DLG2: variants seen among roughly 807,000 people sequenced by gnomAD.
The protein encoded by DLG2 is disks large homolog 2.
Under a neutral mutation model 132.5 loss-of-function variants are expected in DLG2, and 45 were observed. The observed-to-expected ratio is 0.34, with a 90% CI of 0.27 to 0.44. The LOEUF is 0.44. Among genes scored for constraint, DLG2 ranks in the 20% least tolerant of loss-of-function variants. The pLI is 1.00. For synonymous variants in DLG2, 424 were observed against 419.6 expected, an observed-to-expected ratio of 1.01 and a Z score of -0.13; for missense variants, 1,045 against 1,196.9, an observed-to-expected ratio of 0.87 and a Z score of 1.87.
chr11:84,125,009 C>G (rs924188875), intron 9 of DLG2, among the ~76,000 whole-genome samples: 2 of 151,898 alleles, frequency 1.3e-5, no homozygotes, highest in Non-Finnish European at 2.9e-5. Context: ...TGCCACCATG[C>G]CCGGCTAATT....
chr11:83,539,675 G>C (rs552449768), intron 20 of DLG2, among the ~76,000 whole-genome samples: 2 of 151,374 alleles, frequency 1.3e-5, no homozygotes, highest in South Asian at 4.2e-4. Flanking sequence ...TATATATGAG[G>C]TGGAGCTACT....
chr11:85,137,415 T>C (rs1171680534), intron 5 of DLG2, among the ~76,000 whole-genome samples: 1 of 152,114 alleles, frequency 6.6e-6, no homozygotes, highest in Non-Finnish European at 1.5e-5. Flanking sequence ...AAAACCTAGG[T>C]GACCCCAACA....
intron 3 of DLG2, among the ~76,000 whole-genome samples, chr11:85,549,330 A>G (rs536976254): frequency 5.3e-5 from 8 of 152,238 alleles, no homozygotes; most frequent in Non-Finnish European, 7.4e-5. Flanking sequence ...ACCAGTCACA[A>G]TGAGATGAAC....
intron 8 of DLG2, among the ~76,000 whole-genome samples, chr11:84,213,014 C>G (rs1315508069): frequency 6.6e-6 from 1 of 152,144 alleles, no homozygotes; most frequent in Non-Finnish European, 1.5e-5. Context: ...AAAATCCATG[C>G]TGCCACATTG....
intron 4 of DLG2, among the ~76,000 whole-genome samples, chr11:85,177,960 G>C (rs2079417985): frequency 6.6e-6 from 1 of 151,748 alleles, no homozygotes; most frequent in African/African-American, 2.4e-5. Context: ...CTTATATTTG[G>C]GGAAAAAAAT....
chr11:84,514,212 G>T (rs375628134), intron 7 of DLG2, among the ~76,000 whole-genome samples: 1 of 151,952 alleles, frequency 6.6e-6, no homozygotes, highest in Non-Finnish European at 1.5e-5. Context: ...TGGGGATGTG[G>T]AGAAAAGGAA....
chr11:84,804,726 T>C (rs1440014498), intron 6 of DLG2, among the ~76,000 whole-genome samples: 1 of 152,116 alleles, frequency 6.6e-6, no homozygotes, highest in African/African-American at 2.4e-5. Context: ...ATAACTGTCC[T>C]CCTCCAGAAA....
At chr11:84,848,989 C>T (rs1332289251) in intron 6 of DLG2, among the ~76,000 whole-genome samples, 4 of 152,182 alleles carry the variant, frequency 2.6e-5, no homozygotes, top group African/African-American at 9.6e-5. Flanking sequence ...GAAGGCCTGA[C>T]AACTTCTAAT....
chr11:85,333,617 G>T (rs984444162), intron 3 of DLG2, among the ~76,000 whole-genome samples: 3 of 151,876 alleles, frequency 2.0e-5, no homozygotes, highest in African/African-American at 7.3e-5. Flanking sequence ...ATGCCTATTT[G>T]TTAAGGGGTT....
At chr11:85,128,173 C>A (rs1304805810) in intron 5 of DLG2, among the ~76,000 whole-genome samples, 1 of 152,060 alleles carries the variant, frequency 6.6e-6, no homozygotes, top group Non-Finnish European at 1.5e-5. Flanking sequence ...CCTTTATTAA[C>A]AAATTATAGC....
chr11:85,142,357 G>T (rs1566927819), intron 5 of DLG2, among the ~76,000 whole-genome samples: 1 of 151,382 alleles, frequency 6.6e-6, no homozygotes, highest in Non-Finnish European at 1.5e-5. Context: ...TCTTTTTCAG[G>T]TTGTTCATTG....
chr11:83,544,946 C>T (rs552736735), intron 19 of DLG2, among the ~76,000 whole-genome samples: 29 of 152,288 alleles, frequency 1.9e-4, no homozygotes, highest in Admixed American at 1.8e-3. Context: ...TTTTAACCTT[C>T]CCTTCAGGGC....
chr11:85,121,673 A>G (rs908979171), intron 5 of DLG2, among the ~76,000 whole-genome samples: 2 of 152,134 alleles, frequency 1.3e-5, no homozygotes, highest in African/African-American at 4.8e-5. Flanking sequence ...TACCTCTATT[A>G]GTCCATTTCT....
chr11:83,984,229 GATA>G (rs779253963), intron 11 of DLG2, among the ~76,000 whole-genome samples: 1 of 108,448 alleles, frequency 9.2e-6, no homozygotes, highest in African/African-American at 3.1e-5. Flanking sequence ...TAGATAGATA[GATA>G]GATAAAAATC....
chr11:85,141,325 T>A (rs921784444), intron 5 of DLG2, among the ~76,000 whole-genome samples: 1 of 151,814 alleles, frequency 6.6e-6, no homozygotes, highest in Non-Finnish European at 1.5e-5. Flanking sequence ...TTAATAATGT[T>A]GAGTATTTTT....
chr11:85,536,098 T>C (rs1486414678), intron 3 of DLG2, among the ~76,000 whole-genome samples: 21 of 150,670 alleles, frequency 1.4e-4, no homozygotes, highest in Non-Finnish European at 4.4e-5. Context: ...ACACCTGTAG[T>C]CCAGCTACTT....
chr11:85,022,028 T>C (rs1205037017), intron 6 of DLG2, among the ~76,000 whole-genome samples: 2 of 151,958 alleles, frequency 1.3e-5, no homozygotes, highest in Non-Finnish European at 2.9e-5. Flanking sequence ...ACTAAATACA[T>C]CCTAGCCTTT....
intron 7 of DLG2, among the ~76,000 whole-genome samples, chr11:84,326,186 T>C (rs78897290): frequency 0.013 from 2,024 of 152,154 alleles, 33 homozygotes; most frequent in East Asian, 0.067. Context: ...TTTTAAAATA[T>C]GTAACTCTTA....
At chr11:83,946,578 A>T (rs1053567523) in intron 14 of DLG2, among the ~76,000 whole-genome samples, 5 of 151,784 alleles carry the variant, frequency 3.3e-5, no homozygotes, top group African/African-American at 1.2e-4. Context: ...GAATGACATT[A>T]ACTCTTTCGG....
Sources: gnomAD v4.1 joint callset for allele counts (sites outside exome capture counted in the v4.1 genomes callset) on GRCh38, gnomAD v4.1.1 for gene constraint, MANE v1.5 for transcripts, NCBI Gene and HGNC (gene_info 2026-07-23, HGNC 2026-07-21) for gene names.